SCHIP1: variants seen among roughly 807,000 people sequenced by gnomAD.
SCHIP1 encodes the protein schwannomin-interacting protein 1.
In SCHIP1, 8 loss-of-function variants were observed where a neutral mutation model predicts 29.7. The observed-to-expected ratio is 0.27, with a 90% CI of 0.16 to 0.49. SCHIP1 has a LOEUF of 0.49. Ranked by LOEUF, SCHIP1 falls within the 20% of genes least tolerant of loss-of-function variation. SCHIP1 has a pLI of 0.99. For synonymous variants in SCHIP1, 76 were observed against 94.9 expected (o/e 0.80, Z 1.16); for missense variants, 193 against 294.6 (o/e 0.66, Z 2.52).
chr3:159,827,222 C>T, the SCHIP1 span, among the ~76,000 whole-genome samples: 2 of 152,040 alleles, frequency 1.3e-5, no homozygotes, highest in Admixed American at 1.3e-4. Flanking sequence ...ACGAACAGTC[C>T]ATGTCGCTGC....
At chr3:159,738,400 C>T in the SCHIP1 span, among the ~76,000 whole-genome samples, 4 of 152,178 alleles carry the variant, frequency 2.6e-5, no homozygotes, top group South Asian at 4.2e-4. Context: ...TAATGGATTG[C>T]CTTATATTGA....
the SCHIP1 span, among the ~76,000 whole-genome samples, chr3:159,657,721 A>T: frequency 1.3e-5 from 2 of 152,356 alleles, no homozygotes; most frequent in African/African-American, 4.8e-5. Flanking sequence ...GTTAGATCCA[A>T]TTTTAAATTA....
the SCHIP1 span, among the ~76,000 whole-genome samples, chr3:159,494,147 G>T: frequency 6.6e-6 from 1 of 152,286 alleles, no homozygotes; most frequent in East Asian, 1.9e-4. Context: ...ACAAGAGAAA[G>T]CAGGAAAGAT....
the SCHIP1 span, among the ~76,000 whole-genome samples, chr3:159,371,238 G>T: frequency 3.9e-5 from 6 of 152,186 alleles, no homozygotes; most frequent in Non-Finnish European, 7.3e-5. Context: ...CATACATCAT[G>T]ATGGTTGCTG....
chr3:159,287,150 A>C, the SCHIP1 span, among the ~76,000 whole-genome samples: 2 of 152,084 alleles, frequency 1.3e-5, no homozygotes, highest in Non-Finnish European at 2.9e-5. Flanking sequence ...GCCAGGTCCT[A>C]TGTTCAGAAT....
At chr3:159,400,496 T>G in the SCHIP1 span, among the ~76,000 whole-genome samples, 39 of 152,228 alleles carry the variant, frequency 2.6e-4, no homozygotes, top group Non-Finnish European at 4.9e-4. Flanking sequence ...TATTATCTCC[T>G]TTTGATGAAG....
chr3:159,661,010 TA>T, the SCHIP1 span, among the ~76,000 whole-genome samples: 5 of 151,962 alleles, frequency 3.3e-5, no homozygotes. Context: ...GGATATGAAA[TA>T]AAAAACCAGA....
chr3:159,478,777 C>T, the SCHIP1 span, among the ~76,000 whole-genome samples: 1 of 151,944 alleles, frequency 6.6e-6, no homozygotes, highest in Non-Finnish European at 1.5e-5. Flanking sequence ...GGTCTTTCAC[C>T]TCATTGGTTA....
chr3:159,745,917 C>A, the SCHIP1 span, among the ~76,000 whole-genome samples: 1 of 152,198 alleles, frequency 6.6e-6, no homozygotes, highest in African/African-American at 2.4e-5. Flanking sequence ...TTATCATATC[C>A]TATGACTCTG....
the SCHIP1 span, among the ~76,000 whole-genome samples, chr3:159,422,296 T>C: frequency 3.3e-5 from 5 of 152,216 alleles, no homozygotes; most frequent in African/African-American, 1.2e-4. Context: ...AAAAACTCCT[T>C]GAATTTCACA....
At chr3:159,734,840 G>A in the SCHIP1 span, among the ~76,000 whole-genome samples, 2 of 142,470 alleles carry the variant, frequency 1.4e-5, no homozygotes, top group African/African-American at 5.3e-5. Flanking sequence ...CTGTTCCTTG[G>A]CAAAGGAAAT....
At chr3:159,756,452 G>T in the SCHIP1 span, among the ~76,000 whole-genome samples, 64,929 of 151,956 alleles carry the variant, frequency 0.43, 14,988 homozygotes, top group Middle Eastern at 0.55. Flanking sequence ...CAAAGCACAG[G>T]GACCCTGGGC....
At chr3:159,630,765 G>C in the SCHIP1 span, among the ~76,000 whole-genome samples, 8 of 152,136 alleles carry the variant, frequency 5.3e-5, no homozygotes, top group African/African-American at 1.2e-4. Context: ...AATTAGGTAC[G>C]GTGTACACTG....
At chr3:159,809,643 A>G in the SCHIP1 span, among the ~76,000 whole-genome samples, 1 of 149,310 alleles carries the variant, frequency 6.7e-6, no homozygotes, top group Non-Finnish European at 1.5e-5. Flanking sequence ...CTGGGCAATG[A>G]GAGCAAAACT....
the SCHIP1 span, among the ~76,000 whole-genome samples, chr3:159,513,486 G>C: frequency 7.0e-5 from 5 of 71,130 alleles, no homozygotes; most frequent in Non-Finnish European, 1.2e-4. Context: ...CTTTTTAGTA[G>C]CATTATTTTA....
At chr3:159,429,755 A>G in the SCHIP1 span, among the ~76,000 whole-genome samples, 3 of 152,174 alleles carry the variant, frequency 2.0e-5, no homozygotes, top group African/African-American at 4.8e-5. Context: ...TAAATACTTC[A>G]CTGCCTGGGG....
intron 1 of SCHIP1, among the ~76,000 whole-genome samples, chr3:159,844,915 G>A (rs749533166): frequency 6.6e-6 from 1 of 152,178 alleles, no homozygotes; most frequent in Non-Finnish European, 1.5e-5. Flanking sequence ...AAAATAGTGT[G>A]TGAATAACAC....
the SCHIP1 span, among the ~76,000 whole-genome samples, chr3:159,401,903 A>G: frequency 6.6e-6 from 1 of 152,214 alleles, no homozygotes; most frequent in African/African-American, 2.4e-5. Flanking sequence ...CATTTATTGA[A>G]TAGGCAATGG....
At chr3:159,560,486 G>C in the SCHIP1 span, among the ~76,000 whole-genome samples, 1 of 152,170 alleles carries the variant, frequency 6.6e-6, no homozygotes, top group African/African-American at 2.4e-5. Context: ...GATCTTTGCA[G>C]TGGTCTTTGT....
Sources: allele counts gnomAD v4.1 joint callset (sites outside exome capture counted in the v4.1 genomes callset), GRCh38; gene constraint gnomAD v4.1.1; transcripts MANE v1.5; gene names NCBI Gene and HGNC (gene_info 2026-07-23, HGNC 2026-07-21).